Variants in KIAA0232 observed in about 807,000 individuals in gnomAD.
The protein encoded by KIAA0232 is uncharacterized protein KIAA0232.
KIAA0232 carries 27 observed loss-of-function variants against 122.0 expected under a neutral mutation model. That is an observed-to-expected ratio of 0.22 (90% CI 0.16 to 0.31). KIAA0232 has a LOEUF of 0.31. Ranked by LOEUF, KIAA0232 falls within the 10% of genes least tolerant of loss-of-function variation. The pLI is 1.00. For missense variants in KIAA0232, 1,551 were observed against 1,634.2 expected, an observed-to-expected ratio of 0.95 and a Z score of 0.88; for synonymous variants, 613 against 587.6, an observed-to-expected ratio of 1.04 and a Z score of -0.63.
chr4:6,874,301 A>G (rs999245808), intron 8 of KIAA0232, among the ~76,000 whole-genome samples: 57 of 152,230 alleles, frequency 3.7e-4, no homozygotes, highest in African/African-American at 1.4e-3. Context: ...GGCACAGACC[A>G]TGTGACAGCT....
At position 6,845,125 on chromosome 4, in the gene KIAA0232, G is replaced by T. The variant is rs536493916; in HGVS notation, c.369+2921G>T. Among the ~76,000 whole-genome samples the T allele has an allele frequency of 2.1e-3, 326 of 152,256 alleles. 1 individual carries two copies. Among genetic ancestry groups the T allele is most frequent in the African/African-American group, 7.2e-3 (299 of 41,542 alleles). On this transcript the variant is annotated intron_variant, in intron 4 of 9. Transcript: ENST00000307659. ...CAGCTTCCAGCCCAGCATGACCATG[G>T]AACTCTACTGTCCAACACCATTCAT...
At chr4:6,841,166 T>G (rs1307811495) in intron 3 of KIAA0232, among the ~76,000 whole-genome samples, 1 of 152,216 alleles carries the variant, frequency 6.6e-6, no homozygotes, top group East Asian at 1.9e-4. Flanking sequence ...GTCAGGCTGC[T>G]TCATACATTT....
chr4:6,799,601 A>G (rs911266840), intron 1 of KIAA0232, among the ~76,000 whole-genome samples: 6 of 152,188 alleles, frequency 3.9e-5, no homozygotes, highest in African/African-American at 1.2e-4. Context: ...GCCTAAGACT[A>G]CATAACTATT....
rs1227745250 is a variant in KIAA0232, at chr4:6,824,296, A to T, written c.-158A>T. 1 of 646,740 alleles carries T rather than the reference A, an allele frequency of 1.5e-6. No individual in the cohort carries two copies. The highest frequency in any genetic ancestry group is 1.8e-5 in the African/African-American group (1 of 55,432). The allele number at this position is 646,740 out of a possible 1,614,324, so 40.1% of individuals were successfully genotyped here. On this transcript the variant is annotated 5_prime_UTR_variant, in exon 3 of 10. It adds an upstream start codon to the 5' untranslated region. Coordinates refer to ENST00000307659, the MANE Select transcript of KIAA0232 (RefSeq NM_014743.3). Reference sequence around the variant, plus strand: ...TCATTAGTCATGCCTGAAGAGGGAAAGTCTGTTTTAGGTGGCTGACTACCA... The same window carrying T: ...TCATTAGTCATGCCTGAAGAGGGAATGTCTGTTTTAGGTGGCTGACTACCA...
intron 3 of KIAA0232, among the ~76,000 whole-genome samples, chr4:6,831,652 A>G (rs1396427800): frequency 6.6e-6 from 1 of 152,188 alleles, no homozygotes; most frequent in African/African-American, 2.4e-5. Context: ...AACTATAGCC[A>G]CACACAGAAA....
intron 4 of KIAA0232, among the ~76,000 whole-genome samples, chr4:6,845,056 C>T (rs1202468168): frequency 6.6e-6 from 1 of 152,234 alleles, no homozygotes; most frequent in African/African-American, 2.4e-5. Flanking sequence ...TCTGTCCAAA[C>T]TCTGGTTTTC....
At chr4:6,821,891 C>A (rs1718442362) in intron 2 of KIAA0232, among the ~76,000 whole-genome samples, 2 of 150,854 alleles carry the variant, frequency 1.3e-5, no homozygotes, top group South Asian at 4.2e-4. Context: ...GTTTTTTTTT[C>A]TTTTAGTACT....
At chr4:6,791,841 C>T (rs1384487298) in intron 1 of KIAA0232, among the ~76,000 whole-genome samples, 2 of 152,144 alleles carry the variant, frequency 1.3e-5, no homozygotes, top group Non-Finnish European at 2.9e-5. Context: ...GGCTGTGTCC[C>T]CACCCAAATC....
intron 4 of KIAA0232, among the ~76,000 whole-genome samples, chr4:6,854,681 G>A (rs1262307900): frequency 2.7e-4 from 41 of 152,174 alleles, no homozygotes; most frequent in Admixed American, 2.7e-3. Flanking sequence ...TTGGATACTG[G>A]AAGATGGGTG....
intron 7 of KIAA0232, 139 bp from the exon 8 acceptor site, chr4:6,871,435 A>G (rs1721477577): frequency 1.7e-6 from 1 of 579,782 alleles, no homozygotes; most frequent in Admixed American, 3.1e-5. Flanking sequence ...CCCTATCTCA[A>G]AAAGAAAGAA....
chr4:6,808,838 G>A (rs1200497123), intron 2 of KIAA0232, among the ~76,000 whole-genome samples: 1 of 152,164 alleles, frequency 6.6e-6, no homozygotes, highest in Non-Finnish European at 1.5e-5. Flanking sequence ...AGTTAGTTCA[G>A]CACAGTTTTG....
At chr4:6,876,344 G>A (rs539716168) in intron 8 of KIAA0232, among the ~76,000 whole-genome samples, 19 of 152,272 alleles carry the variant, frequency 1.2e-4, no homozygotes, top group Admixed American at 4.6e-4. Flanking sequence ...TCCCAGGGCC[G>A]ATCACATTAC....
chr4:6,850,653 G>T (rs185042939), intron 4 of KIAA0232, among the ~76,000 whole-genome samples: 2 of 151,568 alleles, frequency 1.3e-5, no homozygotes, highest in Admixed American at 1.3e-4. Context: ...TATTAATAAA[G>T]AAAGTAGAAA....
intron 2 of KIAA0232, among the ~76,000 whole-genome samples, chr4:6,823,145 A>G (rs1009603421): frequency 6.6e-5 from 10 of 151,616 alleles, no homozygotes; most frequent in Admixed American, 5.3e-4. Context: ...TCCATGGTGT[A>G]TATGTGCCAC....
chr4:6,850,672 C>G (rs200788255), intron 4 of KIAA0232, among the ~76,000 whole-genome samples: 1 of 139,886 alleles, frequency 7.1e-6, no homozygotes, highest in Non-Finnish European at 1.6e-5. Flanking sequence ...AAGGAACATT[C>G]TTTTTTTTTT....
At chr4:6,808,309 A>T (rs1363742505) in intron 2 of KIAA0232, among the ~76,000 whole-genome samples, 1 of 151,388 alleles carries the variant, frequency 6.6e-6, no homozygotes. Flanking sequence ...TCTTTTCCTT[A>T]TGTGAAAGTC....
intron 1 of KIAA0232, among the ~76,000 whole-genome samples, chr4:6,785,083 G>C (rs1397063054): frequency 6.2e-4 from 95 of 152,150 alleles, no homozygotes; most frequent in Non-Finnish European, 8.8e-5. Context: ...GACTACAGGT[G>C]CATGCCACCA....
chr4:6,876,677 A>G lies in KIAA0232; in HGVS notation c.3928A>G (p.Lys1310Glu). 1 of 1,611,082 alleles carries G rather than the reference A, an allele frequency of 6.2e-7. No homozygotes were observed. The highest frequency in any genetic ancestry group is 1.3e-5 in the African/African-American group (1 of 74,996). ...SECEECYTNAKGESGLEEYPD... is the reference protein window; with the variant it reads ...SECEECYTNAEGESGLEEYPD... ...TGATTAAGAATGTTACACAAATGCC[A>G]AGGGAGAGAGTGGTTTAGAAGAATA... The change falls in exon 9 of 10, where the codon AAG becomes GAG. Residue 1310 changes from lysine to glutamate, a missense_variant. By Grantham distance (56) the Lys-to-Glu change is moderately conservative (BLOSUM62 1). Transcript: ENST00000307659.
In KIAA0232 at chr4:6,816,428, G is replaced by A. The variant is rs1196024376; in HGVS notation, c.-269-7757G>A. 3.3e-5 allele frequency among the ~76,000 whole-genome samples: 5 copies of A among 151,838 alleles called. No homozygotes were observed. In the South Asian group the frequency reaches 8.4e-4, roughly 25 times the overall value. Reference sequence around the variant, plus strand: ...CTTCCGAGTAGCTGGGACTACAAGCGCCTGCCACCACGCCTGGCTAATTTT... The same window carrying A: ...CTTCCGAGTAGCTGGGACTACAAGCACCTGCCACCACGCCTGGCTAATTTT... On this transcript the variant is annotated intron_variant, in intron 2 of 9. Coordinates refer to ENST00000307659, the MANE Select transcript of KIAA0232 (RefSeq NM_014743.3).
Sources: allele counts gnomAD v4.1 joint callset (sites outside exome capture counted in the v4.1 genomes callset), GRCh38; gene constraint gnomAD v4.1.1; transcripts MANE v1.5; gene names NCBI Gene and HGNC (gene_info 2026-07-23, HGNC 2026-07-21).